Variants in ACP6 observed in about 807,000 individuals in gnomAD.
The protein encoded by ACP6 is lysophosphatidic acid phosphatase type 6.
Under a neutral mutation model 48.1 loss-of-function variants are expected in ACP6, and 48 were observed. The observed-to-expected ratio is 1.00, with a 90% CI of 0.79 to 1.27. ACP6 has a LOEUF of 1.27. Ranked by LOEUF, ACP6 falls within the 50% of genes most tolerant of loss-of-function variation. ACP6 has a pLI of 0.00. For missense variants in ACP6, 485 were observed against 529.1 expected (o/e 0.92, Z 0.82); for synonymous variants, 172 against 204.2 (o/e 0.84, Z 1.34).
At position 147,647,391 on chromosome 1, in the gene ACP6, T is replaced by C. The variant is rs782394603; in HGVS notation, c.*32A>G. The C allele has an allele frequency of 1.9e-6, 3 of 1,612,686 alleles. No homozygotes were observed. In the South Asian group the frequency reaches 3.3e-5, roughly 18 times the overall value. ...GGCATTGTATAAAGGCACTTTATTT[T>C]AAAATCAACACATCCTGCTTTTATA... is the stretch of plus-strand genomic sequence containing the variant. On this transcript the variant is annotated 3_prime_UTR_variant, in exon 10 of 10. Coordinates refer to ENST00000583509, the MANE Select transcript of ACP6 (RefSeq NM_016361.5).
chr1:147,669,150 T>A (rs1232054624), intron 1 of ACP6, among the ~76,000 whole-genome samples: 1 of 152,160 alleles, frequency 6.6e-6, no homozygotes, highest in Non-Finnish European at 1.5e-5. Flanking sequence ...CCAGACAGAT[T>A]TTTAAAACAT....
chr1:147,662,912 C>T (rs1660618123), intron 1 of ACP6, among the ~76,000 whole-genome samples: 1 of 152,184 alleles, frequency 6.6e-6, no homozygotes, highest in Non-Finnish European at 1.5e-5. Context: ...TTGCCACAGC[C>T]ACCCCAACCT....
chr1:147,636,078 GA>G (rs1170285246), intron 5 of ACP6, among the ~76,000 whole-genome samples: 1 of 152,158 alleles, frequency 6.6e-6, no homozygotes, highest in Non-Finnish European at 1.5e-5. Context: ...GATGGTACTT[GA>G]AATTGATTAA....
At chr1:147,629,833 T>G (rs1659113920) in exon 6 of ACP6, 1 of 152,236 alleles carries the variant, frequency 6.6e-6, no homozygotes, top group African/African-American at 2.4e-5. Context: ...GCTTCTTATT[T>G]GGGTTACTGT....
chr1:147,639,416 T>C (rs1197385095), downstream of ACP6, among the ~76,000 whole-genome samples: 2 of 152,246 alleles, frequency 1.3e-5, no homozygotes, highest in Non-Finnish European at 2.9e-5. Context: ...CCTACCTTTA[T>C]GCAGCTGGCT....
At chr1:147,660,825 T>C (rs767384891) in intron 1 of ACP6, among the ~76,000 whole-genome samples, 7 of 152,258 alleles carry the variant, frequency 4.6e-5, no homozygotes, top group Non-Finnish European at 8.8e-5. Flanking sequence ...TTTTCATATA[T>C]ATTTACATTT....
At chr1:147,664,052 C>T (rs943638948) in intron 1 of ACP6, among the ~76,000 whole-genome samples, 3 of 152,180 alleles carry the variant, frequency 2.0e-5, no homozygotes, top group Non-Finnish European at 2.9e-5. Context: ...CTGGGAGCCT[C>T]AGATTCTCTT....
chr1:147,633,197 G>A (rs587624252), intron 5 of ACP6, among the ~76,000 whole-genome samples: 6 of 152,286 alleles, frequency 3.9e-5, no homozygotes, highest in African/African-American at 1.2e-4. Flanking sequence ...GACTGTAGGA[G>A]TAAATACAGA....
At chr1:147,634,002 C>G (rs1659236526) in intron 5 of ACP6, among the ~76,000 whole-genome samples, 1 of 152,162 alleles carries the variant, frequency 6.6e-6, no homozygotes, top group African/African-American at 2.4e-5. Context: ...AAAATTCTAA[C>G]TTTGTACCCA....
Position 147,647,236 on chromosome 1 carries a change from G to T in ACP6, c.*187C>A. On this transcript the variant is annotated 3_prime_UTR_variant, in exon 10 of 10. Coordinates refer to ENST00000583509, the MANE Select transcript of ACP6 (RefSeq NM_016361.5). ...TCACAAAATAGAGAAATATCCTTTT[G>T]GTCTCAATATTATACCCCTTTTCCG... The T allele has an allele frequency of 1.6e-6, 1 of 641,296 alleles. No individual in the cohort carries two copies. Among genetic ancestry groups the T allele is most frequent in the Non-Finnish European group, 2.6e-6 (1 of 390,436 alleles). The allele number at this position is 641,296 out of a possible 1,614,324, so 39.7% of individuals were successfully genotyped here. A position where few individuals can be genotyped will look rare whatever the true frequency, so the allele number is the denominator to read the frequency against.
intron 8 of ACP6, among the ~76,000 whole-genome samples, chr1:147,648,617 G>A (rs587653813): frequency 9.2e-5 from 14 of 152,194 alleles, no homozygotes; most frequent in South Asian, 4.2e-4. Context: ...GAGGGTCCCC[G>A]CCAGAGAAAT....
intron 9 of ACP6, 197 bp downstream of exon 9, chr1:147,648,048 GC>G (rs1659714811): frequency 1.6e-5 from 10 of 616,984 alleles, no homozygotes; most frequent in African/African-American, 3.7e-5. Context: ...TAAGGCTCAA[GC>G]CCCATCCTGC....
chr1:147,643,885 G>T lies in ACP6; in HGVS notation c.*3538C>A, dbSNP rs1557876179. The T allele has an allele frequency of 6.6e-6, 1 of 152,582 alleles. No homozygotes were observed. The allele number at this position is 152,582 out of a possible 1,614,324, so 9.5% of individuals were successfully genotyped here. ...AAGTCCAAGATCAAGGCACCAGAAG[G>T]TTAGGGCCTGGTCTCTCTGCTTCAA... On this transcript the variant is annotated 3_prime_UTR_variant, in exon 10 of 10. Transcript: ENST00000583509.
chr1:147,631,746 G>A (rs886631780), intron 5 of ACP6, among the ~76,000 whole-genome samples: 9 of 152,028 alleles, frequency 5.9e-5, no homozygotes, highest in Non-Finnish European at 8.8e-5. Context: ...CCCAGGAGGC[G>A]GAGGCTGCAG....
At chr1:147,651,091 G>C (rs1459899413) in intron 7 of ACP6, 1 of 152,190 alleles carries the variant, frequency 6.6e-6, no homozygotes, top group Non-Finnish European at 1.5e-5. Flanking sequence ...TGTGGTGATT[G>C]GGTAAATGAC....
chr1:147,664,570 T>C (rs1660707446), intron 1 of ACP6, among the ~76,000 whole-genome samples: 1 of 152,198 alleles, frequency 6.6e-6, no homozygotes, highest in Admixed American at 6.5e-5. Flanking sequence ...TACTGGTCTG[T>C]CCTGGCTTCC....
chr1:147,665,407 T>C (rs1319663399), intron 1 of ACP6, among the ~76,000 whole-genome samples: 2 of 152,210 alleles, frequency 1.3e-5, no homozygotes, highest in Non-Finnish European at 2.9e-5. Context: ...ACTGTGTTGG[T>C]AGGTAAACAC....
chr1:147,638,949 C>A (rs1243715508), downstream of ACP6, among the ~76,000 whole-genome samples: 2 of 152,166 alleles, frequency 1.3e-5, no homozygotes, highest in African/African-American at 4.8e-5. Context: ...CTTGACTTCC[C>A]ACGCCCAAGT....
rs1350068615 is a variant in ACP6, at chr1:147,645,982, G to A, written c.*1441C>T. 6.6e-6 allele frequency: 1 copy of A among 152,150 alleles called. No homozygotes were observed. The highest frequency in any genetic ancestry group is 1.9e-4 in the East Asian group (1 of 5,190). The allele number at this position is 152,150 out of a possible 1,614,324, so 9.4% of individuals were successfully genotyped here. On this transcript the variant is annotated 3_prime_UTR_variant, in exon 10 of 10. Coordinates refer to ENST00000583509, the MANE Select transcript of ACP6 (RefSeq NM_016361.5). ...ATTCTTAGTAAGAGGGAGGAAGGAA[G>A]GCTATAAAAGCACCAATGCAACTGG...
Sources: allele counts gnomAD v4.1 joint callset (sites outside exome capture counted in the v4.1 genomes callset), GRCh38; gene constraint gnomAD v4.1.1; transcripts MANE v1.5; gene names NCBI Gene and HGNC (gene_info 2026-07-23, HGNC 2026-07-21).